The following STX17 variants were observed in gnomAD, a reference collection of about 807,000 sequenced individuals.
The protein encoded by STX17 is syntaxin-17.
In STX17, 29 loss-of-function variants were observed where a neutral mutation model predicts 35.9. The ratio of observed to expected loss-of-function variants is 0.81; its 90% CI spans 0.60 to 1.10. The LOEUF (loss-of-function observed/expected upper bound fraction) is 1.10, where lower values mean the gene tolerates loss of function less well. Ranked by LOEUF, STX17 falls within the 50% of genes least tolerant of loss-of-function variation. The pLI, the probability that STX17 is intolerant of heterozygous loss-of-function variation, is 0.00. For missense variants in STX17, 312 were observed against 352.3 expected (o/e 0.89, Z 0.92); for synonymous variants, 92 against 118.3 (o/e 0.78, Z 1.44).
chr9:99,908,558 C>T (rs1263513567), intron 1 of STX17, among the ~76,000 whole-genome samples: 1 of 152,152 alleles, frequency 6.6e-6, no homozygotes, highest in Non-Finnish European at 1.5e-5. Context: ...CAGCTTTGAT[C>T]ATTGGGAGTT....
intron 6 of STX17, among the ~76,000 whole-genome samples, chr9:99,965,287 A>G (rs904168210): frequency 2.0e-5 from 3 of 152,230 alleles, no homozygotes; most frequent in Admixed American, 6.5e-5. Context: ...TTAAAAAGTC[A>G]TAGAAGTACA....
At chr9:99,915,634 C>A (rs1467243414) in intron 2 of STX17, among the ~76,000 whole-genome samples, 1 of 151,374 alleles carries the variant, frequency 6.6e-6, no homozygotes, top group East Asian at 1.9e-4. Context: ...GCTCTGTTGC[C>A]CAGGCTGGAG....
At position 99,969,537 on chromosome 9, in the gene STX17, A is replaced by C. The variant is rs771612019; in HGVS notation, c.*864A>C. The C allele has an allele frequency of 1.3e-5, 2 of 152,212 alleles. No individual in the cohort carries two copies. Among genetic ancestry groups the C allele is most frequent in the South Asian group, 4.2e-4 (2 of 4,808 alleles). 9.4% of individuals were successfully genotyped at this position (152,212 alleles called of 1,614,324 possible). Reference sequence around the variant, plus strand: ...CTGTTCATCCCTTCCTATAACCTCTAGGTAAAAAGAAAAGAAAAAAAGAAA... The same window carrying C: ...CTGTTCATCCCTTCCTATAACCTCTCGGTAAAAAGAAAAGAAAAAAAGAAA... On this transcript the variant is annotated 3_prime_UTR_variant, in exon 8 of 8. Coordinates refer to ENST00000259400, the MANE Select transcript of STX17 (RefSeq NM_017919.3).
intron 4 of STX17, among the ~76,000 whole-genome samples, chr9:99,953,665 A>G (rs1829649407): frequency 6.6e-6 from 1 of 152,044 alleles, no homozygotes; most frequent in Non-Finnish European, 1.5e-5. Flanking sequence ...GATAGTTGTG[A>G]TGGTAATAAT....
At chr9:99,923,412 A>G (rs964333211) in intron 2 of STX17, among the ~76,000 whole-genome samples, 1 of 152,226 alleles carries the variant, frequency 6.6e-6, no homozygotes, top group Non-Finnish European at 1.5e-5. Context: ...GAATATAGCA[A>G]GTAAGTTAGG....
intron 6 of STX17, among the ~76,000 whole-genome samples, chr9:99,962,996 G>A (rs960794414): frequency 2.6e-5 from 4 of 152,116 alleles, no homozygotes; most frequent in African/African-American, 9.7e-5. Context: ...TATCTGCGTA[G>A]CACTGTGCTA....
At chr9:99,919,358 A>T in intron 2 of STX17, among the ~76,000 whole-genome samples, 1 of 151,984 alleles carries the variant, frequency 6.6e-6, no homozygotes, top group Non-Finnish European at 1.5e-5. Context: ...ATCCTCCTGC[A>T]TTGGCCTCTC....
intron 2 of STX17, among the ~76,000 whole-genome samples, chr9:99,916,422 TATTTATTTATTCATTCATTC>T (rs1193017061): frequency 8.6e-4 from 110 of 128,632 alleles, no homozygotes; most frequent in African/African-American, 3.1e-3. Context: ...TTTATTTATT[TATTTATTTATTCATTCATTC>T]ATTCATTCAT....
intron 4 of STX17, among the ~76,000 whole-genome samples, chr9:99,955,490 A>G (rs1829688235): frequency 6.6e-6 from 1 of 152,080 alleles, no homozygotes; most frequent in South Asian, 2.1e-4. Flanking sequence ...TTTTTAAACT[A>G]TCAGAACTGG....
At chr9:99,914,227 A>G (rs1308017119) in intron 1 of STX17, 3 of 152,192 alleles carry the variant, frequency 2.0e-5, no homozygotes, top group Non-Finnish European at 4.4e-5. Context: ...TCAACTTAAA[A>G]TTTTTTAAAC....
rs544988548 is a variant in STX17, at chr9:99,974,407, C to T, written c.*5734C>T. Among the ~76,000 whole-genome samples, 3 of 152,224 alleles carry T rather than the reference C, an allele frequency of 2.0e-5. No individual in the cohort carries two copies. The highest frequency in any genetic ancestry group is 2.1e-4 in the South Asian group (1 of 4,826). ...CACTTGGTGTTAGCAAGGGTCAGCA[C>T]GAGAAAAGGCCCAATGGCAAGAATT... On this transcript the variant is annotated 3_prime_UTR_variant, in exon 8 of 8. Transcript: ENST00000259400.
At chr9:99,954,957 A>G (rs997662443) in intron 4 of STX17, among the ~76,000 whole-genome samples, 2 of 152,096 alleles carry the variant, frequency 1.3e-5, no homozygotes, top group African/African-American at 2.4e-5. Flanking sequence ...TCCTAAAGCA[A>G]ATCTTCTCTG....
intron 4 of STX17, among the ~76,000 whole-genome samples, chr9:99,956,537 A>G (rs1468584786): frequency 6.6e-6 from 1 of 152,158 alleles, no homozygotes; most frequent in Non-Finnish European, 1.5e-5. Flanking sequence ...TTCTTGGTTG[A>G]TGTGAAAATG....
chr9:99,940,277 C>T (rs1829323831), intron 3 of STX17, among the ~76,000 whole-genome samples: 1 of 151,556 alleles, frequency 6.6e-6, no homozygotes, highest in African/African-American at 2.4e-5. Flanking sequence ...ATTACAGGTG[C>T]CCACCACCAT....
intron 2 of STX17, among the ~76,000 whole-genome samples, chr9:99,927,061 G>A (rs949185452): frequency 6.6e-6 from 1 of 152,114 alleles, no homozygotes; most frequent in African/African-American, 2.4e-5. Flanking sequence ...GACTCAAAAG[G>A]AAAACCCTGC....
intron 1 of STX17, among the ~76,000 whole-genome samples, chr9:99,908,419 G>A (rs929675986): frequency 6.6e-6 from 1 of 152,078 alleles, no homozygotes; most frequent in African/African-American, 2.4e-5. Flanking sequence ...AAATTATTCT[G>A]TAAGGATGAG....
chr9:99,952,032 T>A (rs574729828), intron 4 of STX17, among the ~76,000 whole-genome samples: 1 of 152,204 alleles, frequency 6.6e-6, no homozygotes, highest in African/African-American at 2.4e-5. Context: ...TATCCTAGCT[T>A]TGTTTTATAA....
intron 3 of STX17, among the ~76,000 whole-genome samples, chr9:99,931,586 G>T (rs1829125271): frequency 6.6e-6 from 1 of 150,488 alleles, no homozygotes; most frequent in Non-Finnish European, 1.5e-5. Context: ...ACATTTCTTT[G>T]GCTGCTTTCA....
In STX17 at chr9:99,974,075, T is replaced by C. The variant is rs145496332; in HGVS notation, c.*5402T>C. ...AAAACTTGTATCCTGAAGAAAATAT[T>C]TTTTTCCACCAGAAGAAATTGCTTT... is the stretch of plus-strand genomic sequence containing the variant. On this transcript the variant is annotated 3_prime_UTR_variant, in exon 8 of 8. Coordinates refer to ENST00000259400, the MANE Select transcript of STX17 (RefSeq NM_017919.3). Among the ~76,000 whole-genome samples the C allele has an allele frequency of 4.2e-3, 636 of 152,330 alleles. 2 individuals carry two copies. Among genetic ancestry groups the C allele is most frequent in the Non-Finnish European group, 7.2e-3 (490 of 68,034 alleles).
Sources: gnomAD v4.1 joint callset for allele counts (sites outside exome capture counted in the v4.1 genomes callset) on GRCh38, gnomAD v4.1.1 for gene constraint, MANE v1.5 for transcripts, NCBI Gene and HGNC (gene_info 2026-07-23, HGNC 2026-07-21) for gene names.